EPB41L2: variants seen among roughly 807,000 people sequenced by gnomAD.
EPB41L2 encodes band 4.1-like protein 2.
In EPB41L2, 43 loss-of-function variants were observed where a neutral mutation model predicts 113.0. The ratio of observed to expected loss-of-function variants is 0.38; its 90% confidence interval spans 0.30 to 0.49. The LOEUF is 0.49. EPB41L2 is among the 20% of genes least tolerant of loss of function. The probability of loss-of-function intolerance (pLI) is 0.95; values close to 1 mark genes in which losing one functional copy is unlikely to be tolerated. For missense variants in EPB41L2, 1,147 were observed against 1,223.4 expected (o/e 0.94, Z 0.93); for synonymous variants, 442 against 436.7 (o/e 1.01, Z -0.15).
At chr6:130,864,625 C>T (rs922699202) in intron 17 of EPB41L2, among the ~76,000 whole-genome samples, 3 of 152,190 alleles carry the variant, frequency 2.0e-5, no homozygotes, top group Non-Finnish European at 2.9e-5. Flanking sequence ...CCAACATTTA[C>T]AACTCTGATA....
rs541673487 is a variant in EPB41L2, at chr6:130,897,241, T to C, written c.1237-2122A>G. Among the ~76,000 whole-genome samples, 3 of 152,216 alleles carry C rather than the reference T, an allele frequency of 2.0e-5. No individual in the cohort carries two copies. The East Asian group carries it at 5.8e-4, about 29-fold the overall frequency. On this transcript the variant is annotated intron_variant, in intron 8 of 19. Transcript: ENST00000337057. Reference sequence around the variant, plus strand: ...CTTCTAATTAAAAAAAAAAATCTGATTTTAAGGCAATGAAAAATAAAGACA... The same window carrying C: ...CTTCTAATTAAAAAAAAAAATCTGACTTTAAGGCAATGAAAAATAAAGACA...
intron 1 of EPB41L2, among the ~76,000 whole-genome samples, chr6:131,012,652 G>C (rs562535261): frequency 4.0e-4 from 60 of 151,318 alleles, no homozygotes; most frequent in Admixed American, 7.2e-4. Context: ...CAATAGAAGA[G>C]GGAAAAAAAA....
intron 12 of EPB41L2, 21 bp from the exon 13 acceptor site, chr6:130,880,227 CAG>C (rs1491567408): frequency 2.5e-5 from 39 of 1,575,888 alleles, no homozygotes; most frequent in African/African-American, 2.7e-5. Context: ...AAATCACACA[CAG>C]GGGGGAAAAG....
chr6:130,989,888 A>G (rs1333415234), intron 1 of EPB41L2, among the ~76,000 whole-genome samples: 4 of 152,180 alleles, frequency 2.6e-5, no homozygotes, highest in Admixed American at 2.6e-4. Flanking sequence ...AAAGCTAAAG[A>G]AAGAACAATT....
intron 3 of EPB41L2, among the ~76,000 whole-genome samples, chr6:130,934,946 T>A (rs150686142): frequency 1.2e-4 from 18 of 152,254 alleles, no homozygotes; most frequent in African/African-American, 3.4e-4. Context: ...ATTTTTCTTG[T>A]ATACTATTCC....
intron 19 of EPB41L2, among the ~76,000 whole-genome samples, chr6:130,851,162 A>G (rs1778668637): frequency 6.6e-6 from 1 of 152,204 alleles, no homozygotes; most frequent in Non-Finnish European, 1.5e-5. Flanking sequence ...CTGGAAGTCA[A>G]TAGGTTTGTT....
At chr6:131,058,214 T>A (rs1411144215) in intron 1 of EPB41L2, among the ~76,000 whole-genome samples, 1 of 152,124 alleles carries the variant, frequency 6.6e-6, no homozygotes, top group Non-Finnish European at 1.5e-5. Context: ...AGAAAAAATA[T>A]CCAGAAGCAG....
At chr6:131,009,065 G>C (rs568822492) in intron 1 of EPB41L2, among the ~76,000 whole-genome samples, 1 of 152,294 alleles carries the variant, frequency 6.6e-6, no homozygotes, top group Non-Finnish European at 1.5e-5. Context: ...GAGGGACCAG[G>C]TTGGAATTAT....
At chr6:130,880,101 G>A (rs191446203) in intron 13 of EPB41L2, 43 bp downstream of exon 13, 53 of 1,460,416 alleles carry the variant, frequency 3.6e-5, no homozygotes, top group African/African-American at 2.4e-4. Context: ...CACAGCAGCC[G>A]GGCAGCCATT....
At chr6:130,912,870 A>G (rs1271442312) in intron 4 of EPB41L2, among the ~76,000 whole-genome samples, 2 of 152,186 alleles carry the variant, frequency 1.3e-5, no homozygotes, top group Non-Finnish European at 2.9e-5. Context: ...GAAAAACGAA[A>G]TTGAATGGCG....
chr6:131,007,387 C>A (rs1785845410), intron 1 of EPB41L2, among the ~76,000 whole-genome samples: 1 of 152,166 alleles, frequency 6.6e-6, no homozygotes, highest in Non-Finnish European at 1.5e-5. Context: ...AATTAAACTT[C>A]TTTTTTTTAA....
intron 1 of EPB41L2, among the ~76,000 whole-genome samples, chr6:131,036,222 T>C (rs1367228105): frequency 6.6e-6 from 1 of 152,102 alleles, no homozygotes; most frequent in Non-Finnish European, 1.5e-5. Flanking sequence ...AGGTACAGTT[T>C]ATGGAATGTT....
chr6:131,016,765 AT>A (rs1788323148), intron 1 of EPB41L2, among the ~76,000 whole-genome samples: 1 of 151,888 alleles, frequency 6.6e-6, no homozygotes, highest in Non-Finnish European at 1.5e-5. Flanking sequence ...AGCTGAGATC[AT>A]GCCACTGAAC....
At position 130,845,381 on chromosome 6, in the gene EPB41L2, ATT is replaced by A. The variant is rs1318814789; in HGVS notation, c.*6-4785_*6-4784del. The stretch of plus-strand genomic sequence containing the variant: ...ATCAAACTATATTTGAGGTAACCTT[ATT>A]CTTTTTTTTTTAGAGGCAGGGTCTT... On this transcript the variant is annotated intron_variant, in intron 19 of 19. Transcript: ENST00000337057. 2.0e-4 allele frequency among the ~76,000 whole-genome samples: 5 copies of A among 25,446 alleles called. No individual in the cohort carries two copies. In the African/African-American group the frequency reaches 2.1e-3, roughly 11 times the overall value. The allele number at this position is 25,446 out of a possible 152,430, so 16.7% of individuals were successfully genotyped here. A position where few individuals can be genotyped will look rare whatever the true frequency, so the allele number is the denominator to read the frequency against.
chr6:130,881,497 G>A (rs1223223701), intron 12 of EPB41L2: 5 of 152,036 alleles, frequency 3.3e-5, no homozygotes. Flanking sequence ...CATACTCACT[G>A]CAATTATCTT....
At chr6:130,897,412 T>G (rs1794978109) in intron 8 of EPB41L2, among the ~76,000 whole-genome samples, 1 of 152,220 alleles carries the variant, frequency 6.6e-6, no homozygotes, top group African/African-American at 2.4e-5. Context: ...CTTGAATTTT[T>G]TTAGTGTTCT....
intron 1 of EPB41L2, among the ~76,000 whole-genome samples, chr6:131,029,166 G>A (rs1210430553): frequency 6.6e-6 from 1 of 152,050 alleles, no homozygotes; most frequent in Non-Finnish European, 1.5e-5. Context: ...TTTCATATTT[G>A]CATGGGTATT....
intron 1 of EPB41L2, among the ~76,000 whole-genome samples, chr6:131,036,897 A>T (rs1793433582): frequency 6.6e-6 from 1 of 152,210 alleles, no homozygotes. Flanking sequence ...GCACAGACTG[A>T]AACAAGGCCA....
intron 18 of EPB41L2, among the ~76,000 whole-genome samples, chr6:130,861,323 C>T (rs1360388876): frequency 3.3e-5 from 5 of 152,096 alleles, no homozygotes; most frequent in Non-Finnish European, 5.9e-5. Flanking sequence ...CTGCCCACCT[C>T]GGCCTCCCAA....
Sources: gnomAD v4.1 joint callset for allele counts (sites outside exome capture counted in the v4.1 genomes callset) on GRCh38, gnomAD v4.1.1 for gene constraint, MANE v1.5 for transcripts, NCBI Gene and HGNC (gene_info 2026-07-23, HGNC 2026-07-21) for gene names.